LYAR: variants seen among roughly 807,000 people sequenced by gnomAD.
LYAR encodes Ly1 antibody reactive.
LYAR carries 37 observed loss-of-function variants against 45.2 expected under a neutral mutation model. The ratio of observed to expected loss-of-function variants is 0.82; its 90% CI spans 0.63 to 1.08. The LOEUF is 1.08. Ranked by LOEUF, LYAR falls within the 50% of genes least tolerant of loss-of-function variation. The pLI, the probability that LYAR is intolerant of heterozygous loss-of-function variation, is 0.00. For synonymous variants in LYAR, 176 were observed against 155.1 expected (o/e 1.14, Z -1.00); for missense variants, 493 against 451.0 (o/e 1.09, Z -0.84).
At chr4:4,273,771 T>A in intron 7 of LYAR, 102 bp from the exon 8 acceptor site, 1 of 649,186 alleles carries the variant, frequency 1.5e-6, no homozygotes, top group Non-Finnish European at 2.7e-6. Context: ...CCACGTATCA[T>A]CTCATTTCTT....
At chr4:4,283,828 T>A in intron 2 of LYAR, 33 bp from the exon 3 acceptor site, 1 of 1,003,938 alleles carries the variant, frequency 1.0e-6, no homozygotes, top group Non-Finnish European at 1.4e-6. Context: ...AATTATAAAC[T>A]GAAACTTCTC....
chr4:4,274,510 T>C lies in LYAR; in HGVS notation c.689A>G (p.Asp230Gly). The change falls in exon 7 of 10, where the codon GAC becomes GGC. Residue 230 changes from aspartate to glycine, a missense_variant. Coordinates refer to ENST00000343470, the MANE Select transcript of LYAR (RefSeq NM_017816.3). Reference protein sequence around the residue: ...PKKRKKGQEADLEAGGEEVPE... With the variant: ...PKKRKKGQEAGLEAGGEEVPE... ...GACTTCCTCCCCACCAGCCTCAAGG[T>C]CAGCCTCCTGTCCCTTTTTGCGCTT... The C allele has an allele frequency of 6.2e-7, 1 of 1,614,224 alleles. No homozygotes were observed. Among genetic ancestry groups the C allele is most frequent in the Non-Finnish European group, 8.5e-7 (1 of 1,180,032 alleles).
At chr4:4,273,419 T>G (rs1209928733) in intron 8 of LYAR, among the ~76,000 whole-genome samples, 164 bp downstream of exon 8, 33 of 152,142 alleles carry the variant, frequency 2.2e-4, no homozygotes, top group Admixed American at 2.2e-3. Context: ...CTCTCTTTTC[T>G]TTTCTCTCTC....
chr4:4,280,958 T>G (rs1292968344), intron 4 of LYAR, among the ~76,000 whole-genome samples: 1 of 152,248 alleles, frequency 6.6e-6, no homozygotes, highest in African/African-American at 2.4e-5. Flanking sequence ...ACCTATTCTG[T>G]AAATGATCAG....
At chr4:4,279,376 T>C in intron 6 of LYAR, 71 bp downstream of exon 6, 1 of 1,073,954 alleles carries the variant, frequency 9.3e-7, no homozygotes, top group East Asian at 2.4e-5. Flanking sequence ...CTTCCAAAAA[T>C]AAGAAATTCC....
At chr4:4,276,213 C>T (rs560331170) in intron 6 of LYAR, among the ~76,000 whole-genome samples, 13 of 152,162 alleles carry the variant, frequency 8.5e-5, no homozygotes, top group Non-Finnish European at 1.8e-4. Flanking sequence ...AGCTGATGCA[C>T]CTGCAGGCGG....
At chr4:4,286,803 C>T (rs529162765) in intron 1 of LYAR, among the ~76,000 whole-genome samples, 2 of 152,192 alleles carry the variant, frequency 1.3e-5, no homozygotes, top group East Asian at 1.9e-4. Context: ...TCCGCCACCA[C>T]GCCCAGCTTA....
chr4:4,286,940 C>T (rs370131558), intron 1 of LYAR, among the ~76,000 whole-genome samples: 7 of 152,188 alleles, frequency 4.6e-5, no homozygotes, highest in South Asian at 2.1e-4. Context: ...CGTGAGCCAC[C>T]GCGCCCGGCC....
intron 8 of LYAR, among the ~76,000 whole-genome samples, chr4:4,271,126 A>G (rs1718914545): frequency 6.6e-6 from 1 of 151,878 alleles, no homozygotes; most frequent in African/African-American, 2.4e-5. Flanking sequence ...TATTTTCTTG[A>G]TACCCATTAA....
At position 4,268,522 on chromosome 4, in the gene LYAR, T is replaced by C. The variant is rs1214335373; in HGVS notation, c.1005+8A>G. On this transcript the variant is annotated splice_region_variant and intron_variant, in intron 9 of 9. Coordinates refer to ENST00000343470, the MANE Select transcript of LYAR (RefSeq NM_017816.3). Reference sequence around the variant, plus strand: ...TGTTAGACACGTGGGTTTGTTCATATGCCATACCTTTTTCCTTAGCTTTTT... The same window carrying C: ...TGTTAGACACGTGGGTTTGTTCATACGCCATACCTTTTTCCTTAGCTTTTT... The C allele has an allele frequency of 1.3e-6, 2 of 1,598,322 alleles. No individual in the cohort carries two copies. The highest frequency in any genetic ancestry group is 1.7e-6 in the Non-Finnish European group (2 of 1,167,492).
intron 8 of LYAR, 59 bp from the exon 9 acceptor site, chr4:4,268,674 A>C: frequency 1.7e-6 from 2 of 1,148,786 alleles, no homozygotes; most frequent in Non-Finnish European, 2.6e-6. Context: ...GAGAAGGGTA[A>C]AGAAACAACT....
At chr4:4,277,251 T>C (rs1290489309) in intron 6 of LYAR, among the ~76,000 whole-genome samples, 1 of 152,062 alleles carries the variant, frequency 6.6e-6, no homozygotes, top group Admixed American at 6.5e-5. Context: ...TTCACCATGT[T>C]GGTCAGGCTG....
intron 4 of LYAR, 47 bp from the exon 5 acceptor site, chr4:4,279,796 A>G: frequency 1.6e-6 from 2 of 1,238,468 alleles, no homozygotes; most frequent in Non-Finnish European, 2.3e-6. Flanking sequence ...AACAACCAAC[A>G]TGAGTTTCAT....
chr4:4,268,701 G>T, intron 8 of LYAR, 86 bp from the exon 9 acceptor site: 2 of 818,944 alleles, frequency 2.4e-6, no homozygotes, highest in Non-Finnish European at 4.0e-6. Flanking sequence ...ACACCTATTT[G>T]CTTCCCAGGA....
At chr4:4,280,671 T>TAA (rs1719359980) in intron 4 of LYAR, among the ~76,000 whole-genome samples, 1 of 152,156 alleles carries the variant, frequency 6.6e-6, no homozygotes, top group African/African-American at 2.4e-5. Flanking sequence ...TTTAGAGAAT[T>TAA]ACAGAGAGTG....
Position 4,274,616 on chromosome 4 carries a change from G to A in LYAR, c.583C>T (p.Arg195Trp), listed in dbSNP as rs887725443. ...TTTTCTCTTTTCCTTTTCTTCTGCC[G>A]TTCTTCCTTTCTTTCTCTTTTATTC... The part of the protein sequence containing the change: ...KKNKRERKEE[R>W]QKKRKREKKE... Residue 195 changes from arginine to tryptophan, a missense_variant, in exon 7 of 10, where the codon CGG (arginine) becomes TGG (tryptophan). Coordinates refer to ENST00000343470, the MANE Select transcript of LYAR (RefSeq NM_017816.3). The A allele has an allele frequency of 2.4e-5, 39 of 1,613,616 alleles. No individual in the cohort carries two copies. The highest frequency in any genetic ancestry group is 3.1e-5 in the Non-Finnish European group (36 of 1,179,964).
chr4:4,279,213 G>A (rs1719302036), intron 6 of LYAR, among the ~76,000 whole-genome samples: 1 of 151,742 alleles, frequency 6.6e-6, no homozygotes, highest in Non-Finnish European at 1.5e-5. Flanking sequence ...CGTGCCTACA[G>A]TCCCAGCTAC....
At chr4:4,287,192 C>T (rs1265648035) in intron 1 of LYAR, among the ~76,000 whole-genome samples, 1 of 152,122 alleles carries the variant, frequency 6.6e-6, no homozygotes, top group East Asian at 1.9e-4. Context: ...CCAGTCCCAG[C>T]GCAGCCAGAG....
intron 8 of LYAR, among the ~76,000 whole-genome samples, chr4:4,271,491 CT>C (rs1422383494): frequency 2.0e-5 from 3 of 152,182 alleles, no homozygotes; most frequent in Non-Finnish European, 4.4e-5. Flanking sequence ...GCAGGTATCT[CT>C]TCAACACAGG....
Sources: allele counts gnomAD v4.1 joint callset (sites outside exome capture counted in the v4.1 genomes callset), GRCh38; gene constraint gnomAD v4.1.1; transcripts MANE v1.5; gene names NCBI Gene and HGNC (gene_info 2026-07-23, HGNC 2026-07-21).